SNX3: variants seen among roughly 807,000 people sequenced by gnomAD.
SNX3 encodes the protein sorting nexin-3.
SNX3 carries 5 observed loss-of-function variants against 17.7 expected under a neutral mutation model. That is an observed-to-expected ratio of 0.28 (90% CI 0.15 to 0.59). The LOEUF is 0.59. Ranked by LOEUF, SNX3 falls within the 20% of genes least tolerant of loss-of-function variation. The pLI, the probability that SNX3 is intolerant of heterozygous loss-of-function variation, is 0.88. For synonymous variants in SNX3, 91 were observed against 76.5 expected (o/e 1.19, Z -0.99); for missense variants, 132 against 206.8 (o/e 0.64, Z 2.22).
At chr6:108,257,872 G>C (rs567799132) in intron 1 of SNX3, among the ~76,000 whole-genome samples, 2 of 152,130 alleles carry the variant, frequency 1.3e-5, no homozygotes, top group African/African-American at 4.8e-5. Flanking sequence ...GCTGAGGCAG[G>C]AGAATCGCTT....
intron 3 of SNX3, among the ~76,000 whole-genome samples, chr6:108,212,991 G>T (rs1434789260): frequency 2.0e-5 from 3 of 149,376 alleles, no homozygotes; most frequent in African/African-American, 7.4e-5. Flanking sequence ...AGGTTCAAGC[G>T]ATTCTCCTGC....
chr6:108,222,301 G>C, intron 2 of SNX3: 2 of 1,304,160 alleles, frequency 1.5e-6, no homozygotes, highest in Non-Finnish European at 2.0e-6. Context: ...CCTTGCCTCT[G>C]ATGTCATTCT....
intron 1 of SNX3, among the ~76,000 whole-genome samples, chr6:108,249,553 C>A (rs1411322108): frequency 6.6e-6 from 1 of 152,224 alleles, no homozygotes; most frequent in Admixed American, 6.5e-5. Context: ...CTGACCGACC[C>A]TGAACCACCA....
Position 108,211,915 on chromosome 6 carries a change from C to T in SNX3, c.*234G>A. On this transcript the variant is annotated 3_prime_UTR_variant, in exon 4 of 4. Coordinates refer to ENST00000230085, the MANE Select transcript of SNX3 (RefSeq NM_003795.6). ...AGGTTTGTGAGGCTATAGTGTGCACCACATTAAAACAGCAAGAAAGAGCTA... is the reference window on the plus strand; with the variant it reads ...AGGTTTGTGAGGCTATAGTGTGCACTACATTAAAACAGCAAGAAAGAGCTA... The T allele has an allele frequency of 2.5e-6, 1 of 393,878 alleles. No homozygotes were observed. The highest frequency in any genetic ancestry group is 4.6e-6 in the Non-Finnish European group (1 of 219,608). 24.4% of individuals were successfully genotyped at this position (393,878 alleles called of 1,614,324 possible).
chr6:108,227,824 T>G (rs1021749414), intron 1 of SNX3, among the ~76,000 whole-genome samples: 2 of 152,078 alleles, frequency 1.3e-5, no homozygotes, highest in African/African-American at 4.8e-5. Flanking sequence ...GGTTTTTTTT[T>G]TTTGTTGTTG....
At chr6:108,238,060 C>T (rs1775402030) in intron 1 of SNX3, among the ~76,000 whole-genome samples, 1 of 143,632 alleles carries the variant, frequency 7.0e-6, no homozygotes, top group Non-Finnish European at 1.5e-5. Flanking sequence ...TGAGATGGCA[C>T]CACTGCACTC....
At chr6:108,251,663 C>A (rs1182600529) in intron 1 of SNX3, among the ~76,000 whole-genome samples, 1 of 152,212 alleles carries the variant, frequency 6.6e-6, no homozygotes, top group Non-Finnish European at 1.5e-5. Context: ...TCCTCTTTAT[C>A]TGAGAACAGC....
intron 1 of SNX3, among the ~76,000 whole-genome samples, chr6:108,223,497 CTTTTT>C (rs59920022): frequency 0.015 from 1,663 of 110,012 alleles, 9 homozygotes; most frequent in South Asian, 0.055. Context: ...TTTGCTAGTT[CTTTTT>C]TTTTTTTTTT....
chr6:108,234,877 T>C (rs558422742), intron 1 of SNX3, among the ~76,000 whole-genome samples: 1 of 152,274 alleles, frequency 6.6e-6, no homozygotes, highest in African/African-American at 2.4e-5. Context: ...CTAGGCAAAA[T>C]GCAATGGATG....
intron 2 of SNX3, chr6:108,222,455 T>C: frequency 2.6e-6 from 2 of 759,906 alleles, no homozygotes; most frequent in South Asian, 1.7e-5. Context: ...TAGTGGATCA[T>C]GGCCATCATT....
intron 2 of SNX3, chr6:108,222,321 C>T (rs946262395): frequency 7.7e-7 from 1 of 1,303,834 alleles, no homozygotes; most frequent in African/African-American, 1.5e-5. Flanking sequence ...TGAGGCAGGG[C>T]TGAAATGAGA....
At chr6:108,222,885 G>A (rs1366780505) in intron 2 of SNX3, 65 bp downstream of exon 2, 1 of 939,870 alleles carries the variant, frequency 1.1e-6, no homozygotes, top group South Asian at 1.4e-5. Flanking sequence ...TCATTTTCCT[G>A]AGAAATATTA....
At chr6:108,228,439 C>T (rs1440450484) in intron 1 of SNX3, among the ~76,000 whole-genome samples, 1 of 152,090 alleles carries the variant, frequency 6.6e-6, no homozygotes, top group Non-Finnish European at 1.5e-5. Flanking sequence ...ATCCCAGCTA[C>T]TCGGGATGCT....
intron 1 of SNX3, among the ~76,000 whole-genome samples, chr6:108,252,958 A>G (rs1193505706): frequency 6.6e-6 from 1 of 152,186 alleles, no homozygotes; most frequent in African/African-American, 2.4e-5. Flanking sequence ...ACTTCTGGAA[A>G]AAAGAAAATA....
At chr6:108,260,737 G>A (rs1776167176) in intron 1 of SNX3, 23 bp downstream of exon 1, 2 of 1,613,298 alleles carry the variant, frequency 1.2e-6, no homozygotes, top group South Asian at 1.1e-5. Flanking sequence ...GGGTTTCTTG[G>A]GAGAGGGGAG....
chr6:108,237,147 T>G (rs1314235872), intron 1 of SNX3, among the ~76,000 whole-genome samples: 1 of 152,214 alleles, frequency 6.6e-6, no homozygotes, highest in African/African-American at 2.4e-5. Context: ...TTAAAATATT[T>G]TCTGGCTACT....
At chr6:108,257,797 C>G (rs1325993161) in intron 1 of SNX3, among the ~76,000 whole-genome samples, 1 of 151,912 alleles carries the variant, frequency 6.6e-6, no homozygotes, top group Non-Finnish European at 1.5e-5. Flanking sequence ...AACCCCGTCT[C>G]CACTAAAAAT....
At chr6:108,246,731 T>G (rs1437085567) in intron 1 of SNX3, among the ~76,000 whole-genome samples, 1 of 152,024 alleles carries the variant, frequency 6.6e-6, no homozygotes, top group African/African-American at 2.4e-5. Context: ...TCATCAGAGA[T>G]AGAGTTTGCT....
At chr6:108,222,513 G>A (rs1446155799) in intron 2 of SNX3, among the ~76,000 whole-genome samples, 1 of 152,154 alleles carries the variant, frequency 6.6e-6, no homozygotes, top group African/African-American at 2.4e-5. Flanking sequence ...ACAGAGTGAG[G>A]TCATTACTGC....
Sources: gnomAD v4.1 joint callset for allele counts (sites outside exome capture counted in the v4.1 genomes callset) on GRCh38, gnomAD v4.1.1 for gene constraint, MANE v1.5 for transcripts, NCBI Gene and HGNC (gene_info 2026-07-23, HGNC 2026-07-21) for gene names.